ZFHX3: variants seen among roughly 807,000 people sequenced by gnomAD.
ZFHX3 encodes zinc finger homeobox 3.
A neutral mutation model predicts 279.1 loss-of-function variants in ZFHX3; 42 were observed. That is an observed-to-expected ratio of 0.15 (90% confidence interval 0.12 to 0.19). The LOEUF (loss-of-function observed/expected upper bound fraction) is 0.19, where lower values mean the gene tolerates loss of function less well. ZFHX3 is among the 10% of genes least tolerant of loss of function. The pLI, the probability that ZFHX3 is intolerant of heterozygous loss-of-function variation, is 1.00. For synonymous variants in ZFHX3, 2,293 were observed against 1,957.8 expected (o/e 1.17, Z -4.52); for missense variants, 4,981 against 4,754.0 (o/e 1.05, Z -1.40).
rs750561318 is a variant in ZFHX3, at chr16:72,811,982, T to C, written c.3586A>G (p.Ile1196Val). ...LTDSPATSKR[I>V]SFPGSSESPL... ...GACTCTGAGCTACCTGGGAAGGAGA[T>C]GCGTTTGGAGGTTGCAGGAGAATCT... Residue 1196 changes from isoleucine (I) to valine (V), a missense_variant, in exon 6 of 10, where the codon ATC becomes GTC. By Grantham distance (29) the Ile-to-Val change is conservative. Coordinates refer to ENST00000268489, the MANE Select transcript of ZFHX3 (RefSeq NM_006885.4). 13 of 1,614,082 alleles carry C rather than the reference T, an allele frequency of 8.1e-6. No individual in the cohort carries two copies. The South Asian group carries it at 8.8e-5, about 11-fold the overall frequency.
intron 5 of ZFHX3, among the ~76,000 whole-genome samples, chr16:73,183,634 G>A (rs1967848888): frequency 6.6e-6 from 1 of 152,136 alleles, no homozygotes; most frequent in Non-Finnish European, 1.5e-5. Context: ...GCTGTCTTAC[G>A]TTTGGGAAAA....
chr16:73,736,838 T>G (rs1367914015), intron 1 of ZFHX3, among the ~76,000 whole-genome samples: 1 of 152,182 alleles, frequency 6.6e-6, no homozygotes, highest in Non-Finnish European at 1.5e-5. Context: ...AGGGGTATTG[T>G]TAGAGGTCTT....
chr16:72,963,760 G>A (rs1243367994), intron 1 of ZFHX3, among the ~76,000 whole-genome samples: 1 of 152,208 alleles, frequency 6.6e-6, no homozygotes, highest in Non-Finnish European at 1.5e-5. Context: ...TGGGTAAAAT[G>A]CAACAGTTTC....
At chr16:73,200,846 T>A in intron 5 of ZFHX3, among the ~76,000 whole-genome samples, 1 of 152,246 alleles carries the variant, frequency 6.6e-6, no homozygotes, top group East Asian at 1.9e-4. Context: ...CTTTACTTTT[T>A]AATTATGTAT....
intron 7 of ZFHX3, among the ~76,000 whole-genome samples, chr16:73,099,963 G>A (rs1158533569): frequency 6.6e-6 from 1 of 152,058 alleles, no homozygotes; most frequent in Non-Finnish European, 1.5e-5. Flanking sequence ...ATTGTCTTGA[G>A]GACTTGAGAT....
rs74030004 is a variant in ZFHX3, at chr16:73,245,312, C to T, written c.-1104+11735G>A. On this transcript the variant is annotated intron_variant, in intron 5 of 17. Coordinates refer to the ZFHX3 transcript ENST00000641206. ...TTTAATACAGTCTCGCTCTGTCACC[C>T]AGGCTGGAGTTCAGTTGTGTGATCA... is the stretch of plus-strand genomic sequence containing the variant. 1.6e-3 allele frequency among the ~76,000 whole-genome samples: 243 copies of T among 152,246 alleles called. 1 individual carries two copies. The highest frequency in any genetic ancestry group is 5.5e-3 in the African/African-American group (227 of 41,550).
At chr16:73,875,646 G>A (rs1360190483) in intron 1 of ZFHX3, among the ~76,000 whole-genome samples, 1 of 151,978 alleles carries the variant, frequency 6.6e-6, no homozygotes, top group East Asian at 1.9e-4. Context: ...GGTTATATTT[G>A]TTCATAATAA....
rs374019817 is a variant in ZFHX3, at chr16:72,950,891, C to T, written c.2794G>A (p.Glu932Lys). 8.7e-6 allele frequency: 14 copies of T among 1,613,900 alleles called. No homozygotes were observed. Among genetic ancestry groups the T allele is most frequent in the Admixed American group, 1.7e-5 (1 of 60,002 alleles). The change falls in exon 3 of 10, where the codon GAG (glutamate) becomes AAG (lysine). Residue 932 changes from glutamate (E) to lysine (K), a missense_variant. By Grantham distance (56) the Glu-to-Lys change is moderately conservative. Coordinates refer to ENST00000268489, the MANE Select transcript of ZFHX3 (RefSeq NM_006885.4). ...LVSEELMNLG[E>K]SFIQTNDPSL... ...GGGTCGTTGGTCTGGATGAAGCTCT[C>T]GCCCAGGTTCATCAGCTCCTCTGAC...
intron 1 of ZFHX3, among the ~76,000 whole-genome samples, chr16:73,845,847 C>G (rs1961436644): frequency 6.6e-6 from 1 of 152,172 alleles, no homozygotes; most frequent in African/African-American, 2.4e-5. Flanking sequence ...CAGAGTCTCA[C>G]TCTGCCACCC....
intron 1 of ZFHX3, among the ~76,000 whole-genome samples, chr16:73,887,935 A>G (rs951837427): frequency 6.6e-6 from 1 of 152,160 alleles, no homozygotes; most frequent in Non-Finnish European, 1.5e-5. Context: ...CTAAGTCCTC[A>G]TCTTAGGTTG....
chr16:72,961,723 C>G (rs959860913), intron 1 of ZFHX3, among the ~76,000 whole-genome samples: 4 of 152,104 alleles, frequency 2.6e-5, no homozygotes, highest in Non-Finnish European at 4.4e-5. Context: ...CCAGAAGTCT[C>G]AGGGAGAAAT....
intron 2 of ZFHX3, among the ~76,000 whole-genome samples, chr16:73,482,278 A>T (rs1433071871): frequency 1.3e-5 from 2 of 152,100 alleles, no homozygotes; most frequent in Non-Finnish European, 2.9e-5. Flanking sequence ...TGAAAGGCAA[A>T]TTTTGCAAGC....
intron 1 of ZFHX3, among the ~76,000 whole-genome samples, chr16:73,859,995 G>A (rs1472842341): frequency 6.6e-6 from 1 of 152,152 alleles, no homozygotes. Flanking sequence ...GCAAAGTCCT[G>A]TGGCCCAGTT....
intron 2 of ZFHX3, among the ~76,000 whole-genome samples, chr16:73,652,541 G>T (rs1307260032): frequency 6.6e-6 from 1 of 152,180 alleles, no homozygotes; most frequent in Non-Finnish European, 1.5e-5. Context: ...ATAAAAGAAA[G>T]AGCTAAATAT....
At chr16:73,067,660 T>C (rs114948503) in intron 8 of ZFHX3, among the ~76,000 whole-genome samples, 1 of 152,350 alleles carries the variant, frequency 6.6e-6, no homozygotes, top group African/African-American at 2.4e-5. Context: ...GTGGACACTT[T>C]GGAGAAACTG....
chr16:73,466,888 A>G (rs2018583265), intron 2 of ZFHX3, among the ~76,000 whole-genome samples: 1 of 152,168 alleles, frequency 6.6e-6, no homozygotes, highest in African/African-American at 2.4e-5. Flanking sequence ...GCTGAGTTGC[A>G]ACCACAGGGA....
In ZFHX3 at chr16:73,266,091, G is replaced by A. The variant is rs530964765; in HGVS notation, c.-1193-8955C>T. On this transcript the variant is annotated intron_variant, in intron 4 of 17. Transcript: ENST00000641206. ...AGGGACTGAAGTTTTTCAGGAGAAA[G>A]ATCTAGCTGCTCTCCCATTCATCAA... 1.2e-3 allele frequency among the ~76,000 whole-genome samples: 187 copies of A among 152,350 alleles called. 3 individuals are homozygous for A. The highest frequency in any genetic ancestry group is 0.012 in the Admixed American group (186 of 15,296).
intron 3 of ZFHX3, among the ~76,000 whole-genome samples, chr16:73,445,626 G>C (rs747636474): frequency 4.6e-5 from 7 of 151,928 alleles, no homozygotes; most frequent in Non-Finnish European, 7.4e-5. Context: ...CCAGCATAGG[G>C]GAAAAAATGG....
chr16:73,109,784 G>A (rs1259525673), intron 7 of ZFHX3, among the ~76,000 whole-genome samples: 1 of 152,216 alleles, frequency 6.6e-6, no homozygotes, highest in Non-Finnish European at 1.5e-5. Context: ...GGGAGGCAGA[G>A]GTAGCAGTGA....
Sources: allele counts gnomAD v4.1 joint callset (sites outside exome capture counted in the v4.1 genomes callset), GRCh38; gene constraint gnomAD v4.1.1; transcripts MANE v1.5; gene names NCBI Gene and HGNC (gene_info 2026-07-23, HGNC 2026-07-21).